CCDC181: variants seen among roughly 807,000 people sequenced by gnomAD.
CCDC181 encodes coiled-coil domain-containing protein 181.
In CCDC181, 35 loss-of-function variants were observed where a neutral mutation model predicts 58.7. That is an observed-to-expected ratio of 0.60 (90% confidence interval 0.46 to 0.79). The LOEUF (loss-of-function observed/expected upper bound fraction) is 0.79, where lower values mean the gene tolerates loss of function less well. Ranked by LOEUF, CCDC181 falls within the 30% of genes least tolerant of loss-of-function variation. The pLI is 0.00. For missense variants in CCDC181, 517 were observed against 583.9 expected (o/e 0.89, Z 1.18); for synonymous variants, 183 against 197.5 (o/e 0.93, Z 0.62).
At chr1:169,446,754 T>C (rs979119149) in intron 2 of CCDC181, among the ~76,000 whole-genome samples, 8 of 152,230 alleles carry the variant, frequency 5.3e-5, no homozygotes, top group African/African-American at 9.6e-5. Flanking sequence ...GTAGGTTATA[T>C]GCAAATATGA....
At chr1:169,413,837 G>C (rs1015107108) in intron 4 of CCDC181, among the ~76,000 whole-genome samples, 2 of 151,870 alleles carry the variant, frequency 1.3e-5, no homozygotes, top group Non-Finnish European at 2.9e-5. Context: ...CATGGACACA[G>C]GGAGGGGAAC....
chr1:169,440,644 C>T (rs1227448470), intron 2 of CCDC181, among the ~76,000 whole-genome samples: 1 of 152,118 alleles, frequency 6.6e-6, no homozygotes, highest in Non-Finnish European at 1.5e-5. Context: ...GGGCCAGGCA[C>T]AGTGGCTCAC....
In CCDC181 at chr1:169,419,043, T is replaced by C; in HGVS notation, c.1185A>G (p.Arg395=). 7 of 1,613,732 alleles carry C rather than the reference T, an allele frequency of 4.3e-6. No homozygotes were observed. The highest frequency in any genetic ancestry group is 5.9e-6 in the Non-Finnish European group (7 of 1,179,902). The change falls in exon 4 of 6, where the codon CGA becomes CGG. Residue 395 remains arginine (R), a synonymous_variant. Transcript: ENST00000367806. ...EQVLEMRRIQ[R]AKEIEDMNSR... ...TGTTCATGTCTTCAATTTCCTTTGC[T>C]CGCTGAATTCTCCTCATTTCTAAGA...
In CCDC181 at chr1:169,421,470, T is replaced by C; in HGVS notation, c.961A>G (p.Thr321Ala). 1 of 1,614,106 alleles carries C rather than the reference T, an allele frequency of 6.2e-7. No individual in the cohort carries two copies. Among genetic ancestry groups the C allele is most frequent in the Non-Finnish European group, 8.5e-7 (1 of 1,179,984 alleles). Residue 321 changes from threonine to alanine, a missense_variant, in exon 3 of 6, where the codon ACA becomes GCA. Coordinates refer to ENST00000367806, the MANE Select transcript of CCDC181 (RefSeq NM_001300969.2). Reference sequence around the variant, plus strand: ...ACTGGTGAGATATGTGCAGACTGTGTCCTGTGATTAGATTTCCCATTCCCT... The same window carrying C: ...ACTGGTGAGATATGTGCAGACTGTGCCCTGTGATTAGATTTCCCATTCCCT... ...SKGNGKSNHR[T>A]QSAHISPVTS...
intron 2 of CCDC181, among the ~76,000 whole-genome samples, chr1:169,441,659 A>T (rs1168034274): frequency 6.6e-6 from 1 of 151,994 alleles, no homozygotes; most frequent in East Asian, 1.9e-4. Context: ...TAGGTACATG[A>T]AGCAAAGGAA....
intron 4 of CCDC181, among the ~76,000 whole-genome samples, chr1:169,417,767 G>C (rs1656278641): frequency 6.6e-6 from 1 of 151,866 alleles, no homozygotes; most frequent in Non-Finnish European, 1.5e-5. Flanking sequence ...GAAGTTCCAA[G>C]GAATTAGCAG....
chr1:169,443,718 T>C (rs911172263), intron 2 of CCDC181, among the ~76,000 whole-genome samples: 2 of 152,138 alleles, frequency 1.3e-5, no homozygotes, highest in African/African-American at 4.8e-5. Context: ...ATAAGGAAGC[T>C]AAACACCAAG....
chr1:169,421,778 A>C lies in CCDC181; in HGVS notation c.653T>G (p.Leu218Arg). 1 of 1,614,156 alleles carries C rather than the reference A, an allele frequency of 6.2e-7. No individual in the cohort carries two copies. Among genetic ancestry groups the C allele is most frequent in the East Asian group, 2.2e-5 (1 of 44,884 alleles). ...SCEENKDRTI[L>R]VERDGKFELL... ...TTCAAATTTTCCATCTCTCTCTACC[A>C]GTATTGTCCTATCCTTGTTTTCTTC... The change falls in exon 3 of 6, where the codon CTG becomes CGG. Residue 218 changes from leucine (L) to arginine (R), a missense_variant. Transcript: ENST00000367806.
intron 2 of CCDC181, among the ~76,000 whole-genome samples, chr1:169,459,212 T>C (rs1657766258): frequency 6.6e-6 from 1 of 152,210 alleles, no homozygotes; most frequent in Non-Finnish European, 1.5e-5. Flanking sequence ...TTATTTGCAT[T>C]ATGAAATAGG....
At chr1:169,438,622 A>C (rs1347924796) in intron 2 of CCDC181, among the ~76,000 whole-genome samples, 1 of 152,198 alleles carries the variant, frequency 6.6e-6, no homozygotes, top group Non-Finnish European at 1.5e-5. Flanking sequence ...AACCTGACAA[A>C]GCTCAAACTT....
rs199667249 is a variant in CCDC181, at chr1:169,395,153, T to C, written c.1424A>G (p.Glu475Gly). Reference sequence around the variant, plus strand: ...TTCTAGTCGGAGCTGTCTAGTTCTCTCTCTGACAGCTTGTTGCTCTGCCAT... The same window carrying C: ...TTCTAGTCGGAGCTGTCTAGTTCTCCCTCTGACAGCTTGTTGCTCTGCCAT... ...EKMAEQQAVRERTRQLRLEAK... is the reference protein window; with the variant it reads ...EKMAEQQAVRGRTRQLRLEAK... The change falls in exon 6 of 6, where the codon GAG becomes GGG. Residue 475 changes from glutamate (E) to glycine (G), a missense_variant. By Grantham distance (98) the Glu-to-Gly change is moderately conservative. Coordinates refer to ENST00000367806, the MANE Select transcript of CCDC181 (RefSeq NM_001300969.2). 6.2e-7 allele frequency: 1 copy of C among 1,613,226 alleles called. No individual in the cohort carries two copies. Among genetic ancestry groups the C allele is most frequent in the East Asian group, 2.2e-5 (1 of 44,826 alleles).
intron 2 of CCDC181, among the ~76,000 whole-genome samples, chr1:169,436,420 T>C (rs998084982): frequency 6.6e-6 from 1 of 152,200 alleles, no homozygotes; most frequent in Non-Finnish European, 1.5e-5. Flanking sequence ...ATCTTGCTTT[T>C]GTTTTTTAGC....
At chr1:169,424,281 C>G (rs1656619575) in intron 2 of CCDC181, among the ~76,000 whole-genome samples, 1 of 151,846 alleles carries the variant, frequency 6.6e-6, no homozygotes, top group Non-Finnish European at 1.5e-5. Context: ...CTTAATGCAT[C>G]CACTTTTCCT....
At chr1:169,396,076 TGCAG>T (rs1192390010) in intron 5 of CCDC181, 1 of 152,160 alleles carries the variant, frequency 6.6e-6, no homozygotes, top group Non-Finnish European at 1.5e-5. Flanking sequence ...AAAAGCAGAT[TGCAG>T]AAATACAGTA....
chr1:169,460,581 TCAGCCGCACACC>T, exon 1 of CCDC181: 1 of 152,424 alleles, frequency 6.6e-6, no homozygotes, highest in Non-Finnish European at 1.5e-5. Context: ...CTTCCAGTCT[TCAGCCGCACACC>T]CAGAAGGAGG....
chr1:169,401,210 C>G (rs1457939156), intron 4 of CCDC181, among the ~76,000 whole-genome samples: 2 of 152,216 alleles, frequency 1.3e-5, no homozygotes, highest in Non-Finnish European at 2.9e-5. Flanking sequence ...TCTGTAGACT[C>G]TACCTCTGGG....
intron 2 of CCDC181, among the ~76,000 whole-genome samples, chr1:169,435,914 G>A (rs1255372096): frequency 1.3e-5 from 2 of 152,122 alleles, no homozygotes; most frequent in Non-Finnish European, 2.9e-5. Context: ...AGCATTAAAG[G>A]TGAAATGGAT....
chr1:169,459,596 A>T (rs558758119), intron 2 of CCDC181, among the ~76,000 whole-genome samples: 2 of 152,352 alleles, frequency 1.3e-5, no homozygotes, highest in Admixed American at 6.5e-5. Context: ...AGAATAAAAA[A>T]GAAAAAACTA....
At chr1:169,458,277 C>T (rs1160653229) in intron 2 of CCDC181, among the ~76,000 whole-genome samples, 8 of 149,594 alleles carry the variant, frequency 5.3e-5, no homozygotes, top group South Asian at 2.1e-4. Flanking sequence ...GTGAATTGCT[C>T]GGTCATAGGA....
Sources: allele counts gnomAD v4.1 joint callset (sites outside exome capture counted in the v4.1 genomes callset), GRCh38; gene constraint gnomAD v4.1.1; transcripts MANE v1.5; gene names NCBI Gene and HGNC (gene_info 2026-07-23, HGNC 2026-07-21).